The following DCTN1 variants were observed in gnomAD, a reference collection of about 807,000 sequenced individuals.
DCTN1 encodes the protein 150 kDa dynein-associated polypeptide.
In DCTN1, 61 loss-of-function variants were observed where a neutral mutation model predicts 161.2. The observed-to-expected ratio is 0.38, with a 90% confidence interval of 0.31 to 0.47. DCTN1 has a LOEUF of 0.47. Ranked by LOEUF, DCTN1 falls within the 20% of genes least tolerant of loss-of-function variation. The pLI is 0.99. For missense variants in DCTN1, 1,404 were observed against 1,623.7 expected (o/e 0.86, Z 2.33); for synonymous variants, 653 against 632.4 (o/e 1.03, Z -0.49).
At chr2:74,391,721 C>A (rs904597407) in intron 1 of DCTN1, 8 of 446,668 alleles carry the variant, frequency 1.8e-5, no homozygotes, top group African/African-American at 1.6e-4. Flanking sequence ...CGGTCCCCAG[C>A]CCACCGCCGG....
exon 1 of DCTN1, chr2:74,391,861 G>GCCGGCCCCGC: frequency 2.2e-6 from 1 of 453,322 alleles, no homozygotes; most frequent in South Asian, 1.6e-5. Flanking sequence ...ACCCTGCGGG[G>GCCGGCCCCGC]CCGGCCCCGC....
At chr2:74,380,546 T>C (rs202001328), upstream of DCTN1, 4 of 472,066 alleles carry the variant, frequency 8.5e-6, no homozygotes, top group Middle Eastern at 3.2e-4. Context: ...AGCAGGCCCA[T>C]AAGCATCAAG....
intron 25 of DCTN1, 135 bp from the exon 26 acceptor site, chr2:74,365,376 A>C: frequency 6.5e-7 from 1 of 1,549,028 alleles, no homozygotes; most frequent in Non-Finnish European, 8.8e-7. Flanking sequence ...GGCTGGGGTG[A>C]TGCAATGGGG....
At position 74,365,173 on chromosome 2, in the gene DCTN1, A is replaced by C. The variant is rs1015638596; in HGVS notation, c.3098T>G (p.Leu1033Arg). 2 of 1,614,066 alleles carry C rather than the reference A, an allele frequency of 1.2e-6. No individual in the cohort carries two copies. Among genetic ancestry groups the C allele is most frequent in the African/African-American group, 2.7e-5 (2 of 74,908 alleles). ...IDQLEAEKAE[L>R]KQRLNSQSKR... ...GGACTGGCTGTTCAGACGCTGCTTT[A>C]GTTCTGCCTTCTCTGCCTCCAGCTG... The change falls in exon 26 of 32, where the codon CTA becomes CGA. Residue 1033 changes from leucine to arginine, a missense_variant. This residue lies in a region of DCTN1 where 23 missense variants were observed against 48.5 expected (regional missense o/e 0.47). Coordinates refer to ENST00000628224, the MANE Select transcript of DCTN1 (RefSeq NM_004082.5).
At chr2:74,390,376 C>T (rs889304265) in intron 1 of DCTN1, among the ~76,000 whole-genome samples, 1 of 152,194 alleles carries the variant, frequency 6.6e-6, no homozygotes, top group African/African-American at 2.4e-5. Context: ...TGAAGAACTT[C>T]CTTCTTGAGC....
chr2:74,371,935 CA>C (rs1056274422), intron 7 of DCTN1: 13 of 576,124 alleles, frequency 2.3e-5, no homozygotes, highest in African/African-American at 1.3e-4. Context: ...TGACAAAGGA[CA>C]GGGGGAGGAT....
In DCTN1 at chr2:74,365,317, T is replaced by C. The variant is rs985665444; in HGVS notation, c.3030-76A>G. ...TTGACTATTCAGTCCTGAGAGGTCC[T>C]TGGAATAGCCCTGCCAGTGAGAAGC... On this transcript the variant is annotated intron_variant, in intron 25 of 31. Transcript: ENST00000628224. 19 of 1,589,536 alleles carry C rather than the reference T, an allele frequency of 1.2e-5. No homozygotes were observed. In the Admixed American group the frequency reaches 1.6e-4, roughly 13 times the overall value.
At chr2:74,373,191 G>A in intron 6 of DCTN1, 5 of 593,108 alleles carry the variant, frequency 8.4e-6, no homozygotes, top group Admixed American at 2.5e-5. Flanking sequence ...ATCCTTGCAG[G>A]CCTCACCCCT....
rs1013222986 is a variant in DCTN1 at position 74,380,300 on chromosome 2, G to C, written c.-263C>G. On this transcript the variant is annotated 5_prime_UTR_variant, in exon 1 of 32. Transcript: ENST00000628224. ...CACAGAATCCTGCTTGCCAGCTGATGAGTCTCACTCTGCGCTAGTGCTGCT... is the reference window on the plus strand; with the variant it reads ...CACAGAATCCTGCTTGCCAGCTGATCAGTCTCACTCTGCGCTAGTGCTGCT... 6 of 597,198 alleles carry C rather than the reference G, an allele frequency of 1.0e-5. No homozygotes were observed. In the East Asian group the frequency reaches 1.5e-4, roughly 15 times the overall value. The allele number at this position is 597,198 out of a possible 1,614,324, so 37.0% of individuals were successfully genotyped here.
chr2:74,361,961 G>A (rs1258145066), intron 31 of DCTN1, 91 bp downstream of exon 31: 4 of 1,378,310 alleles, frequency 2.9e-6, no homozygotes, highest in Middle Eastern at 2.4e-4. Context: ...TTAGACCTGA[G>A]ACTCCAAAGG....
intron 5 of DCTN1, chr2:74,374,634 C>T (rs1265043100): frequency 1.6e-6 from 2 of 1,229,602 alleles, no homozygotes; most frequent in African/African-American, 1.6e-5. Context: ...GTGCCTGGCC[C>T]AGTTCACCAG....
In DCTN1 at chr2:74,366,502, A is replaced by C; in HGVS notation, c.2585T>G (p.Leu862Arg). 6.2e-7 allele frequency: 1 copy of C among 1,614,204 alleles called. No individual in the cohort carries two copies. The highest frequency in any genetic ancestry group is 8.5e-7 in the Non-Finnish European group (1 of 1,180,028). Reference protein sequence around the residue: ...IAPLAENEGLLVAALEELAFK... With the variant: ...IAPLAENEGLRVAALEELAFK... ...AGCCAGTTCCTCCAGAGCAGCCACA[A>C]GTAGCCCCTCATTCTCTGCCAGTGG... Residue 862 changes from leucine (L) to arginine (R), a missense_variant, in exon 22 of 32, where the codon CTT (leucine) becomes CGT (arginine). By Grantham distance (102) the Leu-to-Arg change is moderately radical. This residue lies in a region of DCTN1 where 475 missense variants were observed against 489.8 expected (regional missense o/e 0.97). Coordinates refer to ENST00000628224, the MANE Select transcript of DCTN1 (RefSeq NM_004082.5).
In DCTN1 at chr2:74,380,047, C is replaced by T. The variant is rs767136749; in HGVS notation, c.-10G>A. 6.2e-7 allele frequency: 1 copy of T among 1,614,092 alleles called. No individual in the cohort carries two copies. The highest frequency in any genetic ancestry group is 1.3e-5 in the African/African-American group (1 of 75,044). Reference sequence around the variant, plus strand: ...TCTTGCTCTGTGCCATGTTGCTCACCCGGCCTCTACCCCCTCCCCCAGCTG... The same window carrying T: ...TCTTGCTCTGTGCCATGTTGCTCACTCGGCCTCTACCCCCTCCCCCAGCTG... On this transcript the variant is annotated 5_prime_UTR_variant, in exon 1 of 32. Coordinates refer to ENST00000628224, the MANE Select transcript of DCTN1 (RefSeq NM_004082.5).
chr2:74,374,932 G>C (rs963638995), intron 5 of DCTN1, among the ~76,000 whole-genome samples: 3 of 152,184 alleles, frequency 2.0e-5, no homozygotes, highest in Non-Finnish European at 2.9e-5. Context: ...TATGGGGCCA[G>C]GGCATCACTG....
chr2:74,365,943 C>T lies in DCTN1; in HGVS notation c.2836G>A (p.Glu946Lys), dbSNP rs780644304. The change falls in exon 24 of 32, where the codon GAA becomes AAA. Residue 946 changes from glutamate to lysine, a missense_variant. Around this residue, in one of 9 missense-constraint regions of DCTN1, gnomAD observed 475 missense variants for 489.8 expected, o/e 0.97. Transcript: ENST00000628224. ...TCCTTAATAACTGTCTCTCGATCTT[C>T]GAGCTTCAAACCCAGGCCTTCAGCA... is the stretch of plus-strand genomic sequence containing the variant. The part of the protein sequence containing the change: ...TDAEGLGLKL[E>K]DRETVIKELK... 7 of 1,614,122 alleles carry T rather than the reference C, an allele frequency of 4.3e-6. No individual in the cohort carries two copies. The highest frequency in any genetic ancestry group is 4.5e-5 in the East Asian group (2 of 44,894).
At chr2:74,377,162 C>T (rs1048805967) in intron 4 of DCTN1, among the ~76,000 whole-genome samples, 2 of 152,324 alleles carry the variant, frequency 1.3e-5, no homozygotes, top group South Asian at 2.1e-4. Flanking sequence ...GGCTACACTA[C>T]TAGGGCCAGA....
chr2:74,372,970 G>A, intron 6 of DCTN1, 22 bp from the exon 7 acceptor site: 1 of 1,613,380 alleles, frequency 6.2e-7, no homozygotes, highest in South Asian at 1.1e-5. Context: ...ACAGGAGCCA[G>A]AAGAGAAGTA....
chr2:74,379,858 G>A (rs1341808535), intron 1 of DCTN1, 147 bp downstream of exon 1: 4 of 812,346 alleles, frequency 4.9e-6, no homozygotes, highest in Non-Finnish European at 8.3e-6. Context: ...ACACCACCAG[G>A]GCTTCGAGGG....
chr2:74,368,097 A>G lies in DCTN1; in HGVS notation c.1889T>C (p.Phe630Ser), dbSNP rs1427174787. ...ELIRKQAQEK[F>S]ELSENCSERP... is the part of the protein sequence containing the mutation. ...CTCTGAACAGTTCTCACTTAGTTCA[A>G]ACTTCTCCTGGGCCTGCTTCCGGAT... is the stretch of plus-strand genomic sequence containing the variant. The change falls in exon 17 of 32, where the codon TTT (phenylalanine) becomes TCT (serine). Residue 630 changes from phenylalanine to serine, a missense_variant. This residue lies in a region of DCTN1 where 475 missense variants were observed against 489.8 expected (regional missense o/e 0.97). Transcript: ENST00000628224. The G allele has an allele frequency of 6.2e-7, 1 of 1,602,834 alleles. No individual in the cohort carries two copies. The highest frequency in any genetic ancestry group is 1.1e-5 in the South Asian group (1 of 89,554).
Sources: gnomAD v4.1 joint callset for allele counts (sites outside exome capture counted in the v4.1 genomes callset) on GRCh38, gnomAD v4.1.1 for gene constraint, gnomAD v4.1.1 regional missense constraint, MANE v1.5 for transcripts, NCBI Gene and HGNC (gene_info 2026-07-23, HGNC 2026-07-21) for gene names.